GBX1: variants seen among roughly 807,000 people sequenced by gnomAD.
GBX1 encodes the protein homeobox protein GBX-1.
GBX1 carries 9 observed loss-of-function variants against 22.9 expected under a neutral mutation model. The ratio of observed to expected loss-of-function variants is 0.39; its 90% confidence interval spans 0.24 to 0.69. The LOEUF (loss-of-function observed/expected upper bound fraction) is 0.69, where lower values mean the gene tolerates loss of function less well. Ranked by LOEUF, GBX1 falls within the 30% of genes least tolerant of loss-of-function variation. GBX1 has a pLI of 0.43. For synonymous variants in GBX1, 203 were observed against 227.3 expected, an observed-to-expected ratio of 0.89 and a Z score of 0.96; for missense variants, 494 against 509.2, an observed-to-expected ratio of 0.97 and a Z score of 0.29.
chr7:151,166,369 C>G (rs17173717), intron 1 of GBX1, among the ~76,000 whole-genome samples: 1 of 151,906 alleles, frequency 6.6e-6, no homozygotes, highest in African/African-American at 2.4e-5. Context: ...ACTTGTCCAG[C>G]GTGTGCTAGG....
chr7:151,163,645 A>C (rs1246674360), intron 1 of GBX1, among the ~76,000 whole-genome samples: 2 of 152,228 alleles, frequency 1.3e-5, no homozygotes, highest in Non-Finnish European at 2.9e-5. Flanking sequence ...GTTAAATAAA[A>C]TTAAAATTAA....
chr7:151,152,793 T>C (rs1289586063), intron 1 of GBX1, among the ~76,000 whole-genome samples: 1 of 152,222 alleles, frequency 6.6e-6, no homozygotes, highest in African/African-American at 2.4e-5. Flanking sequence ...CCCTCAGTGC[T>C]GCTTTTAAAG....
chr7:151,151,113 T>C (rs1584801415), intron 1 of GBX1, among the ~76,000 whole-genome samples: 1 of 152,166 alleles, frequency 6.6e-6, no homozygotes, highest in African/African-American at 2.4e-5. Flanking sequence ...ACCTCGAAGG[T>C]GTTTTCATCC....
chr7:151,152,515 A>G (rs1394144509), intron 1 of GBX1, among the ~76,000 whole-genome samples: 1 of 152,250 alleles, frequency 6.6e-6, no homozygotes, highest in Non-Finnish European at 1.5e-5. Flanking sequence ...AATAATAACA[A>G]AAAGAATAAC....
intron 1 of GBX1, among the ~76,000 whole-genome samples, chr7:151,162,781 C>A (rs1459236846): frequency 1.3e-5 from 2 of 151,476 alleles, no homozygotes; most frequent in East Asian, 3.9e-4. Context: ...TCTAGACACC[C>A]CCAACTCAAA....
chr7:151,152,509 A>G (rs1801091422), intron 1 of GBX1, among the ~76,000 whole-genome samples: 1 of 152,252 alleles, frequency 6.6e-6, no homozygotes, highest in Admixed American at 6.5e-5. Flanking sequence ...GTAGTAAATA[A>G]TAACAAAAAG....
intron 1 of GBX1, among the ~76,000 whole-genome samples, chr7:151,164,988 A>G (rs185379817): frequency 6.6e-6 from 1 of 150,572 alleles, no homozygotes; most frequent in East Asian, 2.0e-4. Flanking sequence ...CACACACACA[A>G]ACACACACAC....
At chr7:151,162,751 T>C (rs532008743) in intron 1 of GBX1, among the ~76,000 whole-genome samples, 2 of 151,996 alleles carry the variant, frequency 1.3e-5, no homozygotes, top group South Asian at 4.2e-4. Context: ...ATCTTCTTTT[T>C]CCCCTGAGTG....
intron 1 of GBX1, among the ~76,000 whole-genome samples, chr7:151,157,923 C>A (rs965867484): frequency 1.3e-5 from 2 of 152,204 alleles, no homozygotes; most frequent in Admixed American, 1.3e-4. Flanking sequence ...AAATTTAGAA[C>A]TGCATGTGCT....
chr7:151,153,289 T>G (rs758106605), intron 1 of GBX1, among the ~76,000 whole-genome samples: 14 of 152,224 alleles, frequency 9.2e-5, no homozygotes, highest in Admixed American at 4.6e-4. Context: ...ATTTTGGCCC[T>G]GCCATTTGCT....
chr7:151,161,998 A>C (rs1801192507), intron 1 of GBX1, among the ~76,000 whole-genome samples: 1 of 152,270 alleles, frequency 6.6e-6, no homozygotes, highest in Admixed American at 6.5e-5. Context: ...AGTAATAGAC[A>C]GACAATAAAT....
rs764093566 is a variant in GBX1, at chr7:151,167,249, C to T, written c.300G>A (p.Ala100=). The T allele has an allele frequency of 1.3e-6, 2 of 1,550,428 alleles. No individual in the cohort carries two copies. The highest frequency in any genetic ancestry group is 2.5e-5 in the East Asian group (1 of 40,330). The part of the protein sequence containing the change: ...GLGQAVPSMV[A]LTTALPSFAE... ...CGAAGCTGGGCAGCGCGGTGGTCAG[C>T]GCCACCATCGAGGGCACAGCCTGAC... The change falls in exon 1 of 2, where the codon GCG becomes GCA. Residue 100 remains alanine (A), a synonymous_variant. Transcript: ENST00000297537. This position sits in a 1 kb window ranked among gnomAD's most constrained non-coding sequence, Gnocchi z 5.9.
At chr7:151,149,352 A>G (rs1801051062) in intron 1 of GBX1, among the ~76,000 whole-genome samples, 2 of 152,188 alleles carry the variant, frequency 1.3e-5, no homozygotes, top group African/African-American at 4.8e-5. Context: ...GGGAAAACAA[A>G]GAAATGGGAA....
rs1350625240 is a variant in GBX1, at chr7:151,148,922, C to T, written c.759G>A (p.Gly253=). Residue 253 remains glycine, a synonymous_variant, in exon 2 of 2, where the codon GGG becomes GGA. Coordinates refer to ENST00000297537, the MANE Select transcript of GBX1 (RefSeq NM_001098834.3). This position sits in a 1 kb window ranked among gnomAD's most constrained non-coding sequence, Gnocchi z 5.1. ...GAEEGAPVTA[G]VTAPGGKSRR... ...GGCTTTTCCCCCCAGGAGCTGTGAC[C>T]CCTGCTGTCACCGGTGCCCCCTCCT... is the stretch of plus-strand genomic sequence containing the variant. 1 of 1,614,028 alleles carries T rather than the reference C, an allele frequency of 6.2e-7. No individual in the cohort carries two copies. Among genetic ancestry groups the T allele is most frequent in the East Asian group, 2.2e-5 (1 of 44,892 alleles).
intron 1 of GBX1, among the ~76,000 whole-genome samples, chr7:151,166,607 T>C (rs1431793726): frequency 6.6e-6 from 1 of 151,366 alleles, no homozygotes. Context: ...CATTGCTGAA[T>C]TGACAGCTGC....
At position 151,148,483 on chromosome 7, in the gene GBX1, T is replaced by C; in HGVS notation, c.*106A>G. On this transcript the variant is annotated 3_prime_UTR_variant, in exon 2 of 2. Transcript: ENST00000297537. The surrounding 1 kb of genome is among the most constrained non-coding windows in gnomAD (Gnocchi z 5.1). ...TAGGTTAATTGCCAACTAGCCCCTCTCAAGGCAGAATCACAGTTGCAGCCC... is the reference window on the plus strand; with the variant it reads ...TAGGTTAATTGCCAACTAGCCCCTCCCAAGGCAGAATCACAGTTGCAGCCC... The C allele has an allele frequency of 8.9e-7, 1 of 1,125,074 alleles. No individual in the cohort carries two copies. The highest frequency in any genetic ancestry group is 1.3e-6 in the Non-Finnish European group (1 of 794,774). The allele number at this position is 1,125,074 out of a possible 1,614,324, so 69.7% of individuals were successfully genotyped here.
At chr7:151,163,372 T>A (rs1801208788) in intron 1 of GBX1, among the ~76,000 whole-genome samples, 1 of 152,078 alleles carries the variant, frequency 6.6e-6, no homozygotes, top group Non-Finnish European at 1.5e-5. Flanking sequence ...TGAGGACCCA[T>A]TATCCAATTC....
intron 1 of GBX1, among the ~76,000 whole-genome samples, chr7:151,160,044 T>G (rs1017741759): frequency 4.6e-5 from 7 of 152,188 alleles, no homozygotes; most frequent in Admixed American, 6.5e-5. Context: ...CTGAAAAGTA[T>G]AGTTTCCCCA....
intron 1 of GBX1, among the ~76,000 whole-genome samples, chr7:151,155,496 A>G (rs1287198388): frequency 6.6e-6 from 1 of 151,078 alleles, no homozygotes; most frequent in Non-Finnish European, 1.5e-5. Context: ...TTATGCTCCT[A>G]CTCCTGCCTA....
Sources: gnomAD v4.1 joint callset for allele counts (sites outside exome capture counted in the v4.1 genomes callset) on GRCh38, gnomAD v4.1.1 for gene constraint, Gnocchi (gnomAD v3.1) non-coding constraint, MANE v1.5 for transcripts, NCBI Gene and HGNC (gene_info 2026-07-23, HGNC 2026-07-21) for gene names.